The following CDH23 variants were observed in gnomAD, a reference collection of about 807,000 sequenced individuals.
CDH23 encodes the protein cadherin related 23.
CDH23 carries 189 observed loss-of-function variants against 317.1 expected under a neutral mutation model. The observed-to-expected ratio is 0.60, with a 90% CI of 0.53 to 0.67. CDH23 has a LOEUF of 0.67. CDH23 is among the 30% of genes least tolerant of loss of function. CDH23 has a pLI of 0.00. For synonymous variants in CDH23, 1,839 were observed against 1,876.8 expected, an observed-to-expected ratio of 0.98 and a Z score of 0.52; for missense variants, 4,401 against 4,592.4, an observed-to-expected ratio of 0.96 and a Z score of 1.20.
At chr10:71,457,780 G>A (rs768572487) in intron 3 of CDH23, among the ~76,000 whole-genome samples, 3 of 152,260 alleles carry the variant, frequency 2.0e-5, no homozygotes, top group Non-Finnish European at 2.9e-5. Flanking sequence ...GATATACTAT[G>A]CAGAGTTAGC....
chr10:71,813,768 C>T (rs912500286), intron 69 of CDH23, among the ~76,000 whole-genome samples: 1 of 152,030 alleles, frequency 6.6e-6, no homozygotes, highest in Admixed American at 6.6e-5. Context: ...ATTAGCCGGG[C>T]CTGGTGGCGG....
At chr10:71,774,204 G>A (rs942279030) in intron 38 of CDH23, among the ~76,000 whole-genome samples, 8 of 151,098 alleles carry the variant, frequency 5.3e-5, no homozygotes, top group Admixed American at 5.3e-4. Flanking sequence ...GCTCCCCTCC[G>A]GCAGAGGCCT....
chr10:71,626,851 C>G (rs1361574589), intron 11 of CDH23, among the ~76,000 whole-genome samples: 2 of 152,216 alleles, frequency 1.3e-5, no homozygotes, highest in African/African-American at 4.8e-5. Context: ...CTCCAACATT[C>G]TGTACCTCTC....
intron 41 of CDH23, among the ~76,000 whole-genome samples, chr10:71,783,646 C>T (rs1308848838): frequency 6.6e-6 from 1 of 152,204 alleles, no homozygotes; most frequent in Non-Finnish European, 1.5e-5. Flanking sequence ...CAGCGGGGCT[C>T]TTCAGAAACA....
chr10:71,549,780 G>A (rs1019147021), intron 6 of CDH23, among the ~76,000 whole-genome samples: 4 of 152,208 alleles, frequency 2.6e-5, no homozygotes, highest in Non-Finnish European at 5.9e-5. Flanking sequence ...TACTGCCCCA[G>A]AGAAGCGAAA....
Position 71,778,268 on chromosome 10 carries a change from A to G in CDH23, c.5147A>G (p.Gln1716Arg). Residue 1716 changes from glutamine (Q) to arginine (R), a missense_variant, in exon 40 of 70, where the codon CAG (glutamine) becomes CGG (arginine). Physicochemically the swap from Gln to Arg is conservative, Grantham distance 43. Coordinates refer to ENST00000224721, the MANE Select transcript of CDH23 (RefSeq NM_022124.6). ...RYTLIVTATD[Q>R]CPILSHRLTS... ...ACCCTGATCGTCACTGCCACAGACCAGTGCCCCATCTTATCCCACCGCCTC... is the reference window on the plus strand; with the variant it reads ...ACCCTGATCGTCACTGCCACAGACCGGTGCCCCATCTTATCCCACCGCCTC... The G allele has an allele frequency of 6.2e-7, 1 of 1,613,886 alleles. No individual in the cohort carries two copies. The highest frequency in any genetic ancestry group is 8.5e-7 in the Non-Finnish European group (1 of 1,179,884).
At position 71,725,355 on chromosome 10, in the gene CDH23, T is replaced by C; in HGVS notation, c.3431-17T>C. The stretch of plus-strand genomic sequence containing the variant: ...TGGGCAGGGCCGGTGTTCCAGGGGG[T>C]CTGTCCCTCCACACAGGTAACCATG... On this transcript the variant is annotated splice_polypyrimidine_tract_variant and intron_variant, in intron 29 of 69. Transcript: ENST00000224721. The C allele has an allele frequency of 4.3e-6, 7 of 1,613,668 alleles. No homozygotes were observed. The highest frequency in any genetic ancestry group is 5.9e-6 in the Non-Finnish European group (7 of 1,179,796).
intron 3 of CDH23, among the ~76,000 whole-genome samples, chr10:71,458,891 G>C (rs941454975): frequency 1.3e-5 from 2 of 152,122 alleles, no homozygotes; most frequent in Admixed American, 6.6e-5. Context: ...GGGTTCACGC[G>C]ATTCTTCTGC....
intron 9 of CDH23, among the ~76,000 whole-genome samples, chr10:71,612,630 TGC>T (rs1860968195): frequency 6.6e-6 from 1 of 150,968 alleles, no homozygotes; most frequent in South Asian, 2.1e-4. Context: ...AATGCTGGGA[TGC>T]TGTCTGTGGG....
chr10:71,779,311 C>T lies in CDH23; in HGVS notation c.5232C>T (p.Phe1744=), dbSNP rs745532771. Reference sequence around the variant, plus strand: ...ACATCAACGACAATGTGCCTACCTTCCCCCGGGACTATGAGGGACCATTTG... The same window carrying T: ...ACATCAACGACAATGTGCCTACCTTTCCCCGGGACTATGAGGGACCATTTG... The part of the protein sequence containing the change: ...VNDINDNVPT[F]PRDYEGPFEV... Residue 1744 remains phenylalanine (F), a synonymous_variant, in exon 41 of 70, where the codon TTC becomes TTT. Transcript: ENST00000224721. 2 of 1,614,020 alleles carry T rather than the reference C, an allele frequency of 1.2e-6. No homozygotes were observed. Among genetic ancestry groups the T allele is most frequent in the Non-Finnish European group, 1.7e-6 (2 of 1,179,870 alleles).
At chr10:71,404,605 G>C (rs1423734476) in intron 1 of CDH23, among the ~76,000 whole-genome samples, 1 of 152,250 alleles carries the variant, frequency 6.6e-6, no homozygotes, top group Admixed American at 6.5e-5. Context: ...AGCTGAGCCT[G>C]AATGCTGGCC....
intron 9 of CDH23, among the ~76,000 whole-genome samples, chr10:71,599,990 C>CTTTTTT (rs1174206523): frequency 1.8e-5 from 2 of 109,520 alleles, no homozygotes; most frequent in African/African-American, 3.7e-5. Flanking sequence ...AATGTCTTTC[C>CTTTTTT]TTTTTTTTTT....
At chr10:71,605,150 C>T (rs188273060) in intron 9 of CDH23, among the ~76,000 whole-genome samples, 57 of 151,846 alleles carry the variant, frequency 3.8e-4, no homozygotes, top group Admixed American at 1.8e-3. Flanking sequence ...TGCAATTCCG[C>T]GGCATTAATT....
rs1420578866 is a variant in CDH23, at chr10:71,785,060, C to T, written c.5672C>T (p.Thr1891Ile). 1 of 1,614,104 alleles carries T rather than the reference C, an allele frequency of 6.2e-7. No individual in the cohort carries two copies. The highest frequency in any genetic ancestry group is 8.5e-7 in the Non-Finnish European group (1 of 1,179,902). ...GCNARLTFNI[T>I]AGNRERAFFI... is the part of the protein sequence containing the mutation. ...AATGCACGCCTCACCTTCAACATCA[C>T]TGCGGGCAACCGCGAGCGGGCCTTC... The change falls in exon 43 of 70, where the codon ACT (threonine) becomes ATT (isoleucine). Residue 1891 changes from threonine to isoleucine, a missense_variant. By Grantham distance (89) the Thr-to-Ile change is moderately conservative (BLOSUM62 -1). Around this residue, in one of 3 missense-constraint regions of CDH23, gnomAD observed 3,068 missense variants for 3,203.3 expected, o/e 0.96. Transcript: ENST00000224721.
At chr10:71,562,552 G>T (rs1289591520) in intron 6 of CDH23, among the ~76,000 whole-genome samples, 1 of 152,220 alleles carries the variant, frequency 6.6e-6, no homozygotes, top group African/African-American at 2.4e-5. Flanking sequence ...GTGAGCCTGG[G>T]GCAGAGCCAT....
At chr10:71,639,057 A>C (rs72813980) in intron 11 of CDH23, among the ~76,000 whole-genome samples, 15,569 of 152,254 alleles carry the variant, frequency 0.1, 1,055 homozygotes, top group South Asian at 0.26. Flanking sequence ...TTCCCCTCCC[A>C]AGAAATAAAT....
chr10:71,791,454 G>A (rs1015251616), intron 47 of CDH23, 119 bp downstream of exon 47: 83 of 822,974 alleles, frequency 1.0e-4, no homozygotes, highest in Admixed American at 4.4e-4. Context: ...TGGGCAGCAG[G>A]GTGAGTGTAG....
intron 3 of CDH23, among the ~76,000 whole-genome samples, chr10:71,483,005 G>A (rs960108051): frequency 4.9e-4 from 74 of 152,360 alleles, no homozygotes; most frequent in African/African-American, 1.7e-3. Context: ...ATTGAGAGGT[G>A]CAGTCAACAG....
intron 14 of CDH23, among the ~76,000 whole-genome samples, chr10:71,649,349 GA>G (rs905215553): frequency 5.9e-5 from 9 of 152,176 alleles, no homozygotes; most frequent in East Asian, 3.8e-4. Flanking sequence ...GTTGTGTCAG[GA>G]AAAAAATTAT....
Sources: allele counts gnomAD v4.1 joint callset (sites outside exome capture counted in the v4.1 genomes callset), GRCh38; gene constraint gnomAD v4.1.1; regional missense constraint gnomAD v4.1.1; transcripts MANE v1.5; gene names NCBI Gene and HGNC (gene_info 2026-07-23, HGNC 2026-07-21).